Variants in OMA1 observed in about 807,000 individuals in gnomAD.
OMA1 encodes the protein OMA1 zinc metallopeptidase, also known as metalloendopeptidase OMA1, mitochondrial.
Under a neutral mutation model 30.9 loss-of-function variants are expected in OMA1, and 38 were observed. The observed-to-expected ratio is 1.23, with a 90% CI of 0.95 to 1.61. OMA1 has a LOEUF of 1.61. Among genes scored for constraint, OMA1 ranks in the 40% most tolerant of loss-of-function variants. The pLI, the probability that OMA1 is intolerant of heterozygous loss-of-function variation, is 0.00. For synonymous variants in OMA1, 173 were observed against 121.9 expected (o/e 1.42, Z -2.76); for missense variants, 461 against 349.2 (o/e 1.32, Z -2.55).
At chr1:58,544,021 G>A (rs943992660) in intron 1 of OMA1, among the ~76,000 whole-genome samples, 1 of 152,186 alleles carries the variant, frequency 6.6e-6, no homozygotes, top group Non-Finnish European at 1.5e-5. Context: ...CCAGGCAAGT[G>A]AATATCAGCA....
At chr1:58,489,119 G>A (rs564210838) in intron 8 of OMA1, among the ~76,000 whole-genome samples, 6 of 152,288 alleles carry the variant, frequency 3.9e-5, no homozygotes, top group African/African-American at 7.2e-5. Context: ...GCAGCGCACC[G>A]AGCGTGAGCC....
At chr1:58,511,750 G>A (rs374081561) in intron 7 of OMA1, among the ~76,000 whole-genome samples, 5 of 152,092 alleles carry the variant, frequency 3.3e-5, no homozygotes, top group Admixed American at 6.6e-5. Context: ...CTTATCTTAC[G>A]CTACACACAA....
chr1:58,506,278 A>T (rs1645989156), intron 7 of OMA1, 69 bp from the exon 8 acceptor site: 7 of 713,750 alleles, frequency 9.8e-6, no homozygotes, highest in Non-Finnish European at 1.4e-5. Flanking sequence ...CTACTACTTT[A>T]TTTTTTTTTA....
At chr1:58,534,846 G>A (rs1032806485) in intron 3 of OMA1, among the ~76,000 whole-genome samples, 6 of 152,312 alleles carry the variant, frequency 3.9e-5, no homozygotes, top group South Asian at 4.1e-4. Flanking sequence ...TGAAGTGGGA[G>A]GATCGCTTGA....
At chr1:58,494,811 A>C (rs1303573468) in intron 8 of OMA1, among the ~76,000 whole-genome samples, 1 of 152,206 alleles carries the variant, frequency 6.6e-6, no homozygotes, top group Admixed American at 6.5e-5. Flanking sequence ...ACACCTTTAC[A>C]CTGTTGGTGG....
intron 8 of OMA1, among the ~76,000 whole-genome samples, chr1:58,503,230 A>G (rs1053652400): frequency 3.3e-5 from 5 of 152,178 alleles, no homozygotes; most frequent in African/African-American, 1.2e-4. Context: ...TATTGTTATC[A>G]TTGCTTTAGA....
At chr1:58,504,684 G>T (rs146431102) in intron 8 of OMA1, among the ~76,000 whole-genome samples, 2 of 152,058 alleles carry the variant, frequency 1.3e-5, no homozygotes, top group Admixed American at 6.6e-5. Flanking sequence ...AATAAATATC[G>T]ATCTACCTAA....
chr1:58,506,114 A>C lies in OMA1; in HGVS notation c.1311T>G (p.Ser437=). ...CTCGATTGCCATGAGAAGGGTGTGT[A>C]GATAACCATTCTGGCATCTTGGGTT... The part of the protein sequence containing the change: ...HGQPKMPEWL[S]THPSHGNRVE... The change falls in exon 8 of 9, where the codon TCT becomes TCG. Residue 437 remains serine (S), a synonymous_variant. Transcript: ENST00000371226. The C allele has an allele frequency of 2.3e-6, 2 of 872,466 alleles. No homozygotes were observed. Among genetic ancestry groups the C allele is most frequent in the Non-Finnish European group, 4.0e-6 (2 of 501,280 alleles). 54.0% of individuals were successfully genotyped at this position (872,466 alleles called of 1,614,324 possible).
intron 1 of OMA1, among the ~76,000 whole-genome samples, chr1:58,540,398 T>G (rs1275865478): frequency 6.6e-6 from 1 of 151,844 alleles, no homozygotes; most frequent in East Asian, 1.9e-4. Flanking sequence ...GATCCACAAT[T>G]AGAAGAAATA....
In OMA1 at chr1:58,539,322, A is replaced by C. The variant is rs749233184; in HGVS notation, c.-16-12T>G. The C allele has an allele frequency of 1.3e-6, 1 of 792,520 alleles. No homozygotes were observed. Among genetic ancestry groups the C allele is most frequent in the East Asian group, 2.4e-5 (1 of 41,266 alleles). The allele number at this position is 792,520 out of a possible 1,614,324, so 49.1% of individuals were successfully genotyped here. On this transcript the variant is annotated splice_polypyrimidine_tract_variant and intron_variant, in intron 1 of 8. Transcript: ENST00000371226. The stretch of plus-strand genomic sequence containing the variant: ...TTTCACTTGACTACCTGAAACAAAA[A>C]AAAAACTATAAATATCTGTGGAAAA...
At chr1:58,526,849 T>C (rs1218680182) in intron 7 of OMA1, among the ~76,000 whole-genome samples, 3 of 152,094 alleles carry the variant, frequency 2.0e-5, no homozygotes, top group African/African-American at 7.2e-5. Context: ...AGCATTAGCT[T>C]TCCAGAGGGA....
At chr1:58,541,861 C>G (rs1162930086) in intron 1 of OMA1, among the ~76,000 whole-genome samples, 1 of 152,138 alleles carries the variant, frequency 6.6e-6, no homozygotes, top group South Asian at 2.1e-4. Context: ...AGTCAATAAA[C>G]AAAATATCAG....
intron 1 of OMA1, among the ~76,000 whole-genome samples, chr1:58,545,137 T>G (rs568071964): frequency 6.6e-6 from 1 of 152,108 alleles, no homozygotes; most frequent in South Asian, 2.1e-4. Context: ...CACCCATTCC[T>G]AAATTCCAAA....
At chr1:58,538,628 G>A (rs1015689827) in intron 2 of OMA1, among the ~76,000 whole-genome samples, 167 bp downstream of exon 2, 1 of 152,132 alleles carries the variant, frequency 6.6e-6, no homozygotes, top group Non-Finnish European at 1.5e-5. Context: ...CTACTGTTTA[G>A]AAACTTCACT....
At chr1:58,489,284 CAGG>C (rs1645632861) in intron 8 of OMA1, among the ~76,000 whole-genome samples, 1 of 152,204 alleles carries the variant, frequency 6.6e-6, no homozygotes, top group Non-Finnish European at 1.5e-5. Flanking sequence ...AACGGCACAC[CAGG>C]AGATTATATC....
At chr1:58,499,106 T>C (rs1645853333) in intron 8 of OMA1, among the ~76,000 whole-genome samples, 2 of 152,002 alleles carry the variant, frequency 1.3e-5, no homozygotes, top group African/African-American at 2.4e-5. Context: ...CTGGAGGACA[T>C]TATGCTAAGT....
intron 8 of OMA1, among the ~76,000 whole-genome samples, chr1:58,490,795 CTTTTTTTTTTTTTTTT>C (rs148145860): frequency 8.4e-5 from 5 of 59,244 alleles, no homozygotes; most frequent in Non-Finnish European, 1.5e-4. Context: ...AGTCAACATT[CTTTTTTTTTTTTTTTT>C]TTTTTTTTTT....
rs374408829 is a variant in OMA1, at chr1:58,510,039, G to A, written c.1216-3830C>T. Reference sequence around the variant, plus strand: ...AAGCCCAGAACCAGATGACCTCACTGGTGAATGCCACCAAAAACATTTAAA... The same window carrying A: ...AAGCCCAGAACCAGATGACCTCACTAGTGAATGCCACCAAAAACATTTAAA... On this transcript the variant is annotated intron_variant, in intron 7 of 8. Transcript: ENST00000371226. Among the ~76,000 whole-genome samples the A allele has an allele frequency of 1.8e-3, 271 of 152,146 alleles. 6 individuals carry two copies. In the South Asian group the frequency reaches 0.053, roughly 30 times the overall value.
At position 58,538,990 on chromosome 1, in the gene OMA1, T is replaced by A; in HGVS notation, c.305A>T (p.Asp102Val). 2.3e-6 allele frequency: 2 copies of A among 872,856 alleles called. No individual in the cohort carries two copies. Among genetic ancestry groups the A allele is most frequent in the Non-Finnish European group, 4.0e-6 (2 of 501,616 alleles). 54.1% of individuals were successfully genotyped at this position (872,856 alleles called of 1,614,324 possible). The change falls in exon 2 of 9, where the codon GAT becomes GTT. Residue 102 changes from aspartate to valine, a missense_variant. Asp to Val is a radical substitution (Grantham distance 152). Transcript: ENST00000371226. ...TATTAGCAGCTGTCTTGAAAAAGCA[T>A]CATTCCATACAGTACATTTGCTGGT... The part of the protein sequence containing the change: ...RITSKCTVWN[D>V]AFSRQLLIKE...
Sources: gnomAD v4.1 joint callset for allele counts (sites outside exome capture counted in the v4.1 genomes callset) on GRCh38, gnomAD v4.1.1 for gene constraint, MANE v1.5 for transcripts, NCBI Gene and HGNC (gene_info 2026-07-23, HGNC 2026-07-21) for gene names.